The following JARID2 variants were observed in gnomAD, a reference collection of about 807,000 sequenced individuals.
The protein encoded by JARID2 is jumonji and AT-rich interaction domain containing 2, also known as protein Jumonji.
In JARID2, 21 loss-of-function variants were observed where a neutral mutation model predicts 125.6. The observed-to-expected ratio is 0.17, with a 90% CI of 0.12 to 0.24. The LOEUF (loss-of-function observed/expected upper bound fraction) is 0.24, where lower values mean the gene tolerates loss of function less well. JARID2 is among the 10% of genes least tolerant of loss of function. The pLI is 1.00. For missense variants in JARID2, 1,303 were observed against 1,639.6 expected, an observed-to-expected ratio of 0.79 and a Z score of 3.55; for synonymous variants, 736 against 661.6, an observed-to-expected ratio of 1.11 and a Z score of -1.73.
At chr6:15,345,478 C>G (rs1460939813) in intron 1 of JARID2, among the ~76,000 whole-genome samples, 2 of 152,126 alleles carry the variant, frequency 1.3e-5, no homozygotes, top group Non-Finnish European at 2.9e-5. Context: ...TACTGTATTC[C>G]CATCCTTTCC....
intron 1 of JARID2, among the ~76,000 whole-genome samples, chr6:15,290,070 C>T (rs794777): frequency 0.13 from 19,142 of 152,112 alleles, 1,225 homozygotes; most frequent in Non-Finnish European, 0.13. Context: ...ATTATACATA[C>T]CTATGTAATC....
intron 16 of JARID2, among the ~76,000 whole-genome samples, chr6:15,513,855 T>C (rs1445044544): frequency 3.9e-5 from 6 of 152,252 alleles, no homozygotes; most frequent in Admixed American, 3.9e-4. Flanking sequence ...CCTCTGCCCT[T>C]TGGCTCTGTT....
At chr6:15,256,177 T>C (rs913288087) in intron 1 of JARID2, among the ~76,000 whole-genome samples, 2 of 152,246 alleles carry the variant, frequency 1.3e-5, no homozygotes, top group Admixed American at 1.3e-4. Context: ...ACATCAGGCC[T>C]GCCGGCGGCC....
At chr6:15,429,242 AG>A (rs1766868865) in intron 3 of JARID2, among the ~76,000 whole-genome samples, 1 of 151,932 alleles carries the variant, frequency 6.6e-6, no homozygotes, top group African/African-American at 2.4e-5. Flanking sequence ...ACCAACTATT[AG>A]GAAAAGGAAT....
intron 1 of JARID2, among the ~76,000 whole-genome samples, chr6:15,277,219 C>G (rs998772997): frequency 6.6e-6 from 1 of 152,098 alleles, no homozygotes; most frequent in South Asian, 2.1e-4. Flanking sequence ...TGAAGTAGCA[C>G]GCAGTGTGGG....
chr6:15,413,174 T>A (rs1765979636), intron 3 of JARID2, among the ~76,000 whole-genome samples: 1 of 151,958 alleles, frequency 6.6e-6, no homozygotes, highest in Non-Finnish European at 1.5e-5. Flanking sequence ...CATGCGCCAC[T>A]ATGCCCGGCT....
At chr6:15,416,726 G>A (rs968877415) in intron 3 of JARID2, among the ~76,000 whole-genome samples, 5 of 150,402 alleles carry the variant, frequency 3.3e-5, no homozygotes, top group Admixed American at 2.6e-4. Flanking sequence ...GGAGAGGGGG[G>A]AGAGGGAGAG....
At chr6:15,283,254 A>C (rs1202420043) in intron 1 of JARID2, among the ~76,000 whole-genome samples, 1 of 150,378 alleles carries the variant, frequency 6.6e-6, no homozygotes, top group Non-Finnish European at 1.5e-5. Flanking sequence ...CTGGGATTAC[A>C]GGTGTGAGCC....
chr6:15,254,622 G>T (rs943450517), intron 1 of JARID2, among the ~76,000 whole-genome samples: 19 of 152,146 alleles, frequency 1.2e-4, no homozygotes, highest in African/African-American at 4.6e-4. Context: ...GTCTCAATTG[G>T]ATTTTAAGTT....
Position 15,501,242 on chromosome 6 carries a change from A to T in JARID2, c.2281A>T (p.Ile761Phe). The T allele has an allele frequency of 1.9e-6, 3 of 1,613,658 alleles. No individual in the cohort carries two copies. Among genetic ancestry groups the T allele is most frequent in the Non-Finnish European group, 2.5e-6 (3 of 1,179,636 alleles). ...CCGCTTCGAGCCCAAGAATGGGCTC[A>T]TCCACGGCGTGGCCCCCAGGAACGG... The part of the protein sequence containing the change: ...LPRFEPKNGL[I>F]HGVAPRNGFR... The change falls in exon 8 of 18, where the codon ATC (isoleucine) becomes TTC (phenylalanine). Residue 761 changes from isoleucine to phenylalanine, a missense_variant. Physicochemically the swap from Ile to Phe is conservative, Grantham distance 21. This residue lies in a region of JARID2 where 124 missense variants were observed against 131.0 expected (regional missense o/e 0.95). Transcript: ENST00000341776.
chr6:15,407,467 C>T (rs1216921364), intron 2 of JARID2, among the ~76,000 whole-genome samples: 1 of 150,872 alleles, frequency 6.6e-6, no homozygotes, highest in African/African-American at 2.5e-5. Flanking sequence ...AACTTTCTTA[C>T]TTACTTGCTA....
intron 17 of JARID2, among the ~76,000 whole-genome samples, chr6:15,519,056 G>A (rs1771700038): frequency 6.6e-6 from 1 of 152,174 alleles, no homozygotes; most frequent in Non-Finnish European, 1.5e-5. Context: ...CAGGGTGTTG[G>A]GCCGCCTGCC....
chr6:15,438,036 G>C (rs750868606), intron 3 of JARID2, among the ~76,000 whole-genome samples: 1 of 152,210 alleles, frequency 6.6e-6, no homozygotes, highest in Non-Finnish European at 1.5e-5. Flanking sequence ...CTTGGGGCCT[G>C]TTCTGGGTAT....
chr6:15,365,371 T>C (rs1475136987), intron 1 of JARID2, among the ~76,000 whole-genome samples: 2 of 152,132 alleles, frequency 1.3e-5, no homozygotes, highest in Non-Finnish European at 2.9e-5. Context: ...TAATGCCGTG[T>C]TGCGTGGTTC....
intron 3 of JARID2, among the ~76,000 whole-genome samples, chr6:15,433,929 T>G (rs1216655540): frequency 3.6e-4 from 26 of 73,056 alleles, no homozygotes; most frequent in African/African-American, 1.8e-3. Context: ...AGGGTGTGTG[T>G]GTGTGTGTGT....
At chr6:15,427,305 G>T (rs1408470120) in intron 3 of JARID2, among the ~76,000 whole-genome samples, 2 of 152,202 alleles carry the variant, frequency 1.3e-5, no homozygotes, top group Admixed American at 6.5e-5. Context: ...GCGAACACTT[G>T]TTGGGACTTC....
intron 1 of JARID2, among the ~76,000 whole-genome samples, chr6:15,262,180 T>A (rs1759910419): frequency 6.6e-6 from 1 of 151,954 alleles, no homozygotes; most frequent in African/African-American, 2.4e-5. Context: ...CTGTTAATTT[T>A]CTTATTTTAA....
At chr6:15,255,011 A>C (rs898274944) in intron 1 of JARID2, among the ~76,000 whole-genome samples, 1 of 151,318 alleles carries the variant, frequency 6.6e-6, no homozygotes, top group Non-Finnish European at 1.5e-5. Context: ...CTCCAAAAAA[A>C]ACAAAACAAA....
At chr6:15,342,692 T>C (rs563940995) in intron 1 of JARID2, among the ~76,000 whole-genome samples, 12 of 152,204 alleles carry the variant, frequency 7.9e-5, no homozygotes, top group Non-Finnish European at 1.8e-4. Context: ...GTTAAAATTA[T>C]AGAAAAATTT....
Sources: gnomAD v4.1 joint callset for allele counts (sites outside exome capture counted in the v4.1 genomes callset) on GRCh38, gnomAD v4.1.1 for gene constraint, gnomAD v4.1.1 regional missense constraint, MANE v1.5 for transcripts, NCBI Gene and HGNC (gene_info 2026-07-23, HGNC 2026-07-21) for gene names.